CNNM2: variants seen among roughly 807,000 people sequenced by gnomAD.
CNNM2 encodes metal transporter CNNM2.
In CNNM2, 12 loss-of-function variants were observed where a neutral mutation model predicts 66.9. The observed-to-expected ratio is 0.18, with a 90% CI of 0.11 to 0.29. The LOEUF (loss-of-function observed/expected upper bound fraction) is 0.29, where lower values mean the gene tolerates loss of function less well. CNNM2 is among the 10% of genes least tolerant of loss of function. The pLI, the probability that CNNM2 is intolerant of heterozygous loss-of-function variation, is 1.00. For synonymous variants in CNNM2, 557 were observed against 501.8 expected (o/e 1.11, Z -1.47); for missense variants, 705 against 1,167.7 (o/e 0.60, Z 5.77).
intron 1 of CNNM2, among the ~76,000 whole-genome samples, chr10:103,013,595 C>CT (rs1195966731): frequency 6.6e-6 from 1 of 152,094 alleles, no homozygotes; most frequent in African/African-American, 2.4e-5. Flanking sequence ...TAACAGCTCC[C>CT]TTTATCCAAG....
chr10:102,994,452 G>A (rs1215813002), intron 1 of CNNM2, among the ~76,000 whole-genome samples: 1 of 152,164 alleles, frequency 6.6e-6, no homozygotes, highest in Non-Finnish European at 1.5e-5. Context: ...GGGTTCTTGG[G>A]GAACACATTA....
chr10:102,922,599 A>G (rs1845688930), intron 1 of CNNM2, among the ~76,000 whole-genome samples: 1 of 152,164 alleles, frequency 6.6e-6, no homozygotes, highest in African/African-American at 2.4e-5. Context: ...AACAATACCA[A>G]TTGTAACTCC....
intron 1 of CNNM2, among the ~76,000 whole-genome samples, chr10:103,001,015 A>G (rs952598150): frequency 1.8e-4 from 28 of 152,190 alleles, no homozygotes; most frequent in African/African-American, 6.0e-4. Context: ...AGGAAGGAAG[A>G]AATTCTGACA....
At chr10:103,071,293 A>T (rs566882502) in intron 5 of CNNM2, among the ~76,000 whole-genome samples, 2 of 152,318 alleles carry the variant, frequency 1.3e-5, no homozygotes, top group East Asian at 3.9e-4. Context: ...TGAGATTTGA[A>T]AGCGTTCCTA....
chr10:103,089,093 A>G lies in CNNM2; in HGVS notation c.*11913A>G, dbSNP rs2066073575. 4.4e-6 allele frequency: 1 copy of G among 226,220 alleles called. No individual in the cohort carries two copies. Among genetic ancestry groups the G allele is most frequent in the African/African-American group, 2.2e-5 (1 of 45,014 alleles). The allele number at this position is 226,220 out of a possible 1,614,324, so 14.0% of individuals were successfully genotyped here. ...TCCTGCCCTAAAGCAACGCAAGTAGAGCATACTTCTGTGCAAAGCCAGTGA... is the reference window on the plus strand; with the variant it reads ...TCCTGCCCTAAAGCAACGCAAGTAGGGCATACTTCTGTGCAAAGCCAGTGA... On this transcript the variant is annotated 3_prime_UTR_variant, in exon 8 of 8. Transcript: ENST00000369878.
chr10:103,086,142 C>T lies in CNNM2; in HGVS notation c.*8962C>T, dbSNP rs2065805484. The T allele has an allele frequency of 6.6e-6, 1 of 152,266 alleles. No individual in the cohort carries two copies. The highest frequency in any genetic ancestry group is 1.5e-5 in the Non-Finnish European group (1 of 68,040). The allele number at this position is 152,266 out of a possible 1,614,324, so 9.4% of individuals were successfully genotyped here. A position where few individuals can be genotyped will look rare whatever the true frequency, so the allele number is the denominator to read the frequency against. On this transcript the variant is annotated 3_prime_UTR_variant, in exon 8 of 8. Transcript: ENST00000369878. ...GCAGTAGTGCATGTTTTTCTTCTAT[C>T]TGCAGGGTTGCTCTGGTAGCTCCAT...
intron 1 of CNNM2, among the ~76,000 whole-genome samples, chr10:102,926,170 G>A (rs189093083): frequency 2.6e-5 from 4 of 152,240 alleles, no homozygotes; most frequent in Admixed American, 2.0e-4. Context: ...GTGCATTTGT[G>A]TACCCTCTGT....
At chr10:102,935,867 C>T (rs772102190) in intron 1 of CNNM2, among the ~76,000 whole-genome samples, 2 of 150,336 alleles carry the variant, frequency 1.3e-5, no homozygotes, top group African/African-American at 2.5e-5. Flanking sequence ...AGTCCTTCCA[C>T]CTTGGACTCC....
At chr10:102,965,091 C>G (rs2063441829) in intron 1 of CNNM2, among the ~76,000 whole-genome samples, 1 of 152,234 alleles carries the variant, frequency 6.6e-6, no homozygotes, top group East Asian at 1.9e-4. Context: ...TGATCTTAGA[C>G]TTCCCAGCCT....
chr10:102,987,929 G>A (rs1020990235), intron 1 of CNNM2, among the ~76,000 whole-genome samples: 35 of 152,270 alleles, frequency 2.3e-4, no homozygotes, highest in African/African-American at 7.9e-4. Context: ...TCAATGTGAA[G>A]ACCTGAACTG....
rs2063469570 is a variant in CNNM2, at chr10:102,966,689, C to A, written c.1621+46588C>A. On this transcript the variant is annotated intron_variant, in intron 1 of 7. Coordinates refer to ENST00000369878, the MANE Select transcript of CNNM2 (RefSeq NM_017649.5). ...CTGTAGATTTTGTAGCTTGGTATTA[C>A]AAATATTTATTTAGTGCCTGCTATA... 2.0e-5 allele frequency among the ~76,000 whole-genome samples: 3 copies of A among 152,114 alleles called. No individual in the cohort carries two copies. The South Asian group carries it at 6.2e-4, about 32-fold the overall frequency.
rs192646998 is a variant in CNNM2, at chr10:102,962,136, G to C, written c.1621+42035G>C. On this transcript the variant is annotated intron_variant, in intron 1 of 7. Transcript: ENST00000369878. ...TTGAAATGAGGACACATGGACAAAGGGTGGGGAACAACACACACTGGGGCC... is the reference window on the plus strand; with the variant it reads ...TTGAAATGAGGACACATGGACAAAGCGTGGGGAACAACACACACTGGGGCC... Among the ~76,000 whole-genome samples, 122 of 152,202 alleles carry C rather than the reference G, an allele frequency of 8.0e-4. 1 individual carries two copies. Among genetic ancestry groups the C allele is most frequent in the African/African-American group, 2.6e-3 (110 of 41,526 alleles).
rs1195912385 is a variant in CNNM2 at position 103,071,752 on chromosome 10, CCT to C, written c.2168-21_2168-20del. On this transcript the variant is annotated intron_variant, in intron 5 of 7. Transcript: ENST00000369878. ...TTCTTGCCTTTTGATGCGATCTCAC[CCT>C]GTTTTTCTCCATTTTTCAGTTCCTT... is the stretch of plus-strand genomic sequence containing the variant. The C allele has an allele frequency of 3.1e-6, 5 of 1,606,726 alleles. No homozygotes were observed. Among genetic ancestry groups the C allele is most frequent in the African/African-American group, 1.3e-5 (1 of 74,868 alleles).
Position 103,087,159 on chromosome 10 carries a change from T to TTTTTTTTTTTTTTTTTTTTTG in CNNM2, c.*9992_*9993insTTTTTTTGTTTTTTTTTTTTT. ...CGCAGGATTTTTTTTTTTTTTTTTT[T>TTTTTTTTTTTTTTTTTTTTTG]TTTTTTTTTTTTTAAGGAAAAAAGT... On this transcript the variant is annotated 3_prime_UTR_variant, in exon 8 of 8. Transcript: ENST00000369878. 1 of 143,142 alleles carries TTTTTTTTTTTTTTTTTTTTTG rather than the reference T, an allele frequency of 7.0e-6. No homozygotes were observed. 8.9% of individuals were successfully genotyped at this position (143,142 alleles called of 1,614,324 possible).
intron 1 of CNNM2, among the ~76,000 whole-genome samples, chr10:103,002,273 G>A (rs2064136303): frequency 6.6e-6 from 1 of 152,086 alleles, no homozygotes; most frequent in African/African-American, 2.4e-5. Flanking sequence ...CAACTTAATA[G>A]TAAAAAGACA....
rs576181711 is a variant in CNNM2 at position 102,953,655 on chromosome 10, G to A, written c.1621+33554G>A. Among the ~76,000 whole-genome samples the A allele has an allele frequency of 4.2e-4, 64 of 152,132 alleles. No individual in the cohort carries two copies. The Middle Eastern group carries it at 0.017, about 40-fold the overall frequency. Reference sequence around the variant, plus strand: ...GCTCACTACAGTGTCCACCTTCAGGGCTCAAGCGATCCTCCCACCTCAGCC... The same window carrying A: ...GCTCACTACAGTGTCCACCTTCAGGACTCAAGCGATCCTCCCACCTCAGCC... On this transcript the variant is annotated intron_variant, in intron 1 of 7. Transcript: ENST00000369878.
chr10:102,970,769 G>A (rs938349542), intron 1 of CNNM2, among the ~76,000 whole-genome samples: 2 of 152,234 alleles, frequency 1.3e-5, no homozygotes, highest in Admixed American at 1.3e-4. Context: ...TCTTGTGTTG[G>A]TTCTCCAGTT....
chr10:103,027,126 T>G (rs1212116337), intron 1 of CNNM2, among the ~76,000 whole-genome samples: 1 of 152,204 alleles, frequency 6.6e-6, no homozygotes, highest in Non-Finnish European at 1.5e-5. Flanking sequence ...CCCTCAGTCT[T>G]TGAGTCTTTC....
intron 1 of CNNM2, among the ~76,000 whole-genome samples, chr10:102,961,145 T>C (rs972699983): frequency 2.6e-5 from 4 of 152,164 alleles, no homozygotes; most frequent in African/African-American, 9.7e-5. Flanking sequence ...CCCAAAGTGC[T>C]GGGATTACAG....
Sources: gnomAD v4.1 joint callset for allele counts (sites outside exome capture counted in the v4.1 genomes callset) on GRCh38, gnomAD v4.1.1 for gene constraint, MANE v1.5 for transcripts, NCBI Gene and HGNC (gene_info 2026-07-23, HGNC 2026-07-21) for gene names.